The following ACVR2B variants were observed in gnomAD, a reference collection of about 807,000 sequenced individuals.
The protein encoded by ACVR2B is activin receptor type-2B.
ACVR2B carries 18 observed loss-of-function variants against 65.1 expected under a neutral mutation model. The observed-to-expected ratio is 0.28, with a 90% CI of 0.19 to 0.41. ACVR2B has a LOEUF of 0.41. Among genes scored for constraint, ACVR2B ranks in the 10% least tolerant of loss-of-function variants. The pLI, the probability that ACVR2B is intolerant of heterozygous loss-of-function variation, is 1.00. For missense variants in ACVR2B, 482 were observed against 682.7 expected (o/e 0.71, Z 3.28); for synonymous variants, 298 against 277.7 (o/e 1.07, Z -0.73).
Position 38,455,220 on chromosome 3 carries a change from A to C in ACVR2B, c.52+846A>C, listed in dbSNP as rs565844867. 1.2e-3 allele frequency among the ~76,000 whole-genome samples: 180 copies of C among 151,532 alleles called. 1 individual carries two copies. Among genetic ancestry groups the C allele is most frequent in the Non-Finnish European group, 1.6e-3 (111 of 67,936 alleles). ...GGAAAGCTTGTTTCTCCTACGGTCCAAGCACCGATTTCCCTCTCTCAGTGG... is the reference window on the plus strand; with the variant it reads ...GGAAAGCTTGTTTCTCCTACGGTCCCAGCACCGATTTCCCTCTCTCAGTGG... On this transcript the variant is annotated intron_variant, in intron 1 of 10. Coordinates refer to ENST00000352511, the MANE Select transcript of ACVR2B (RefSeq NM_001106.4).
intron 1 of ACVR2B, among the ~76,000 whole-genome samples, chr3:38,464,526 C>T (rs889711876): frequency 3.9e-5 from 6 of 152,174 alleles, no homozygotes; most frequent in Non-Finnish European, 7.3e-5. Flanking sequence ...TGAAGAACTA[C>T]CAGGCCAGTA....
At chr3:38,458,668 A>G (rs1208519244) in intron 1 of ACVR2B, among the ~76,000 whole-genome samples, 4 of 152,178 alleles carry the variant, frequency 2.6e-5, no homozygotes, top group Non-Finnish European at 5.9e-5. Context: ...AATGAGAACC[A>G]AGGAGTATCG....
Position 38,481,569 on chromosome 3 carries a change from C to A in ACVR2B, c.1074+104C>A. On this transcript the variant is annotated intron_variant, in intron 8 of 10. Transcript: ENST00000352511. The surrounding 1 kb of genome is among the most constrained non-coding windows in gnomAD (Gnocchi z 4.7). ...GTGCAGGGATGAGGGTGACTGCATGCGTTCAGAGCTGTCTGAGAACTTAGA... is the reference window on the plus strand; with the variant it reads ...GTGCAGGGATGAGGGTGACTGCATGAGTTCAGAGCTGTCTGAGAACTTAGA... The A allele has an allele frequency of 1.1e-6, 1 of 885,052 alleles. No individual in the cohort carries two copies. The highest frequency in any genetic ancestry group is 1.9e-6 in the Non-Finnish European group (1 of 531,272). 54.8% of individuals were successfully genotyped at this position (885,052 alleles called of 1,614,324 possible).
chr3:38,476,672 C>A, intron 1 of ACVR2B: 1 of 159,986 alleles, frequency 6.3e-6, no homozygotes, highest in Non-Finnish European at 1.4e-5. Flanking sequence ...AGCAGGAAGC[C>A]ACTCCCCTTT....
At chr3:38,467,128 G>C (rs551746955) in intron 1 of ACVR2B, among the ~76,000 whole-genome samples, 63 of 152,264 alleles carry the variant, frequency 4.1e-4, no homozygotes, top group South Asian at 1.5e-3. Context: ...GTAACCAAAG[G>C]ATAGATTATA....
Position 38,481,946 on chromosome 3 carries a change from G to A in ACVR2B, c.1075-252G>A, listed in dbSNP as rs1275860725. On this transcript the variant is annotated intron_variant, in intron 8 of 10. Transcript: ENST00000352511. The surrounding 1 kb of genome is among the most constrained non-coding windows in gnomAD (Gnocchi z 4.7). ...ATCTGTAGTTCCTTGTATTAATTTG[G>A]TAACAATTCCATTTTAGATTACTAT... Among the ~76,000 whole-genome samples, 2 of 151,914 alleles carry A rather than the reference G, an allele frequency of 1.3e-5. No individual in the cohort carries two copies. The highest frequency in any genetic ancestry group is 6.6e-5 in the Admixed American group (1 of 15,258).
intron 1 of ACVR2B, among the ~76,000 whole-genome samples, chr3:38,456,793 C>T (rs1408453569): frequency 6.6e-6 from 1 of 152,212 alleles, no homozygotes; most frequent in African/African-American, 2.4e-5. Flanking sequence ...ATGACTTAAT[C>T]TAACCCTCAC....
At chr3:38,476,866 CACTGGGGT>C in intron 1 of ACVR2B, 1 of 303,444 alleles carries the variant, frequency 3.3e-6, no homozygotes, top group Non-Finnish European at 6.3e-6. Context: ...TTCCGATGTG[CACTGGGGT>C]TTTAAGGGGG....
Position 38,484,319 on chromosome 3 carries a change from CG to C in ACVR2B, c.*988del, listed in dbSNP as rs1559657340. 1 of 152,176 alleles carries C rather than the reference CG, an allele frequency of 6.6e-6. No individual in the cohort carries two copies. Among genetic ancestry groups the C allele is most frequent in the Non-Finnish European group, 1.5e-5 (1 of 68,042 alleles). 9.4% of individuals were successfully genotyped at this position (152,176 alleles called of 1,614,324 possible). On this transcript the variant is annotated 3_prime_UTR_variant, in exon 11 of 11. Coordinates refer to ENST00000352511, the MANE Select transcript of ACVR2B (RefSeq NM_001106.4). The stretch of plus-strand genomic sequence containing the variant: ...CGATGCTGTAAATACCCTTAATGGA[CG>C]AAAAGTTGAAATACTTTTGTTTCCT...
chr3:38,482,443 G>A lies in ACVR2B; in HGVS notation c.1227G>A (p.Glu409=). Residue 409 remains glutamate, a synonymous_variant, in exon 10 of 11, where the codon GAG becomes GAA. Transcript: ENST00000352511. The stretch of plus-strand genomic sequence containing the variant: ...TCTTTCTCCTAGGACCCGTGGATGA[G>A]TACATGCTGCCCTTTGAGGAAGAGA... ...RCKAADGPVD[E]YMLPFEEEIG... 6.2e-7 allele frequency: 1 copy of A among 1,612,678 alleles called. No individual in the cohort carries two copies. The highest frequency in any genetic ancestry group is 1.1e-5 in the South Asian group (1 of 90,908).
chr3:38,454,284 C>T lies in ACVR2B; in HGVS notation c.-39C>T, dbSNP rs1204706554. On this transcript the variant is annotated 5_prime_UTR_variant, in exon 1 of 11. Coordinates refer to ENST00000352511, the MANE Select transcript of ACVR2B (RefSeq NM_001106.4). Reference sequence around the variant, plus strand: ...CCCCGGGAGCGCCGTGCGGCCCTGCCCGCGGGCTCCGGGTGTGCGCGGGGC... The same window carrying T: ...CCCCGGGAGCGCCGTGCGGCCCTGCTCGCGGGCTCCGGGTGTGCGCGGGGC... 1.4e-5 allele frequency: 17 copies of T among 1,240,312 alleles called. No individual in the cohort carries two copies. The Admixed American group carries it at 2.6e-4, about 19-fold the overall frequency. The allele number at this position is 1,240,312 out of a possible 1,614,324, so 76.8% of individuals were successfully genotyped here.
In ACVR2B at chr3:38,491,777, T is replaced by C. The variant is rs1432531992; in HGVS notation, c.*8445T>C. The C allele has an allele frequency of 6.6e-6, 1 of 152,232 alleles. No homozygotes were observed. Among genetic ancestry groups the C allele is most frequent in the African/African-American group, 2.4e-5 (1 of 41,454 alleles). The allele number at this position is 152,232 out of a possible 1,614,324, so 9.4% of individuals were successfully genotyped here. On this transcript the variant is annotated 3_prime_UTR_variant, in exon 11 of 11. Transcript: ENST00000352511. Reference sequence around the variant, plus strand: ...GCGGCTTTTTTTTCCTCTTTTTTTCTGTAATTCTGTAAAAATGCAGAGAAA... The same window carrying C: ...GCGGCTTTTTTTTCCTCTTTTTTTCCGTAATTCTGTAAAAATGCAGAGAAA...
chr3:38,483,260 C>G lies in ACVR2B; in HGVS notation c.1467C>G (p.Thr489=), dbSNP rs1029307002. 2 of 1,614,076 alleles carry G rather than the reference C, an allele frequency of 1.2e-6. No individual in the cohort carries two copies. Among genetic ancestry groups the G allele is most frequent in the Non-Finnish European group, 1.7e-6 (2 of 1,180,020 alleles). Residue 489 remains threonine (T), a synonymous_variant, in exon 11 of 11, where the codon ACC becomes ACG. Transcript: ENST00000352511. The surrounding 1 kb of genome is among the most constrained non-coding windows in gnomAD (Gnocchi z 4.8). Reference sequence around the variant, plus strand: ...TTCGGAGGTCGGTCAACGGCACTACCTCGGACTGTCTCGTTTCCCTGGTGA... The same window carrying G: ...TTCGGAGGTCGGTCAACGGCACTACGTCGGACTGTCTCGTTTCCCTGGTGA... The part of the protein sequence containing the change: ...SLIRRSVNGT[T]SDCLVSLVTS...
At position 38,486,736 on chromosome 3, in the gene ACVR2B, A is replaced by T. The variant is rs1230761620; in HGVS notation, c.*3404A>T. ...TTCCTTTCTAGTGTGCTGTCATCCAAGCAGGCTCCTGGCTGTAGGGATGGG... is the reference window on the plus strand; with the variant it reads ...TTCCTTTCTAGTGTGCTGTCATCCATGCAGGCTCCTGGCTGTAGGGATGGG... On this transcript the variant is annotated 3_prime_UTR_variant, in exon 11 of 11. Transcript: ENST00000352511. The T allele has an allele frequency of 6.6e-6, 1 of 152,252 alleles. No homozygotes were observed. 9.4% of individuals were successfully genotyped at this position (152,252 alleles called of 1,614,324 possible).
In ACVR2B at chr3:38,477,890, C is replaced by G. The variant is rs1034501828; in HGVS notation, c.290C>G (p.Pro97Arg). The G allele has an allele frequency of 3.7e-6, 6 of 1,614,058 alleles. No individual in the cohort carries two copies. Among genetic ancestry groups the G allele is most frequent in the Non-Finnish European group, 5.1e-6 (6 of 1,180,002 alleles). Residue 97 changes from proline to arginine, a missense_variant, in exon 3 of 11, where the codon CCC becomes CGC. By Grantham distance (103) the Pro-to-Arg change is moderately radical. This residue lies in a region of ACVR2B where 85 missense variants were observed against 137.3 expected (regional missense o/e 0.62). Coordinates refer to ENST00000352511, the MANE Select transcript of ACVR2B (RefSeq NM_001106.4). The surrounding 1 kb of genome is among the most constrained non-coding windows in gnomAD (Gnocchi z 6.7). ...GAGTGTGTGGCCACTGAGGAGAACC[C>G]CCAGGTGTACTTCTGCTGCTGTGAA... ...RQECVATEEN[P>R]QVYFCCCEGN...
intron 1 of ACVR2B, among the ~76,000 whole-genome samples, chr3:38,459,280 C>T (rs569649088): frequency 2.6e-5 from 4 of 152,298 alleles, no homozygotes; most frequent in East Asian, 1.9e-4. Context: ...AGCTTACCAC[C>T]GAGGAGAATC....
chr3:38,491,304 A>G lies in ACVR2B; in HGVS notation c.*7972A>G, dbSNP rs1042370660. The G allele has an allele frequency of 1.3e-5, 2 of 152,688 alleles. No homozygotes were observed. The highest frequency in any genetic ancestry group is 2.9e-5 in the Non-Finnish European group (2 of 68,048). 9.5% of individuals were successfully genotyped at this position (152,688 alleles called of 1,614,324 possible). ...AGATTAAAAGTGGTAACTCAGCTAT[A>G]CGAGCATGGGCTACCTTCCTGGGCT... On this transcript the variant is annotated 3_prime_UTR_variant, in exon 11 of 11. Transcript: ENST00000352511.
chr3:38,478,645 G>A, intron 5 of ACVR2B, 127 bp downstream of exon 5: 1 of 1,327,170 alleles, frequency 7.5e-7, no homozygotes. Context: ...GAGCCTTACT[G>A]GGCCTAGTTA....
intron 1 of ACVR2B, among the ~76,000 whole-genome samples, chr3:38,471,195 A>G (rs546049033): frequency 9.2e-5 from 14 of 152,366 alleles, no homozygotes; most frequent in Admixed American, 3.9e-4. Context: ...ATTACCAAGA[A>G]TATATAAAAT....
Sources: gnomAD v4.1 joint callset for allele counts (sites outside exome capture counted in the v4.1 genomes callset) on GRCh38, gnomAD v4.1.1 for gene constraint, gnomAD v4.1.1 regional missense constraint, Gnocchi (gnomAD v3.1) non-coding constraint, MANE v1.5 for transcripts, NCBI Gene and HGNC (gene_info 2026-07-23, HGNC 2026-07-21) for gene names.